MYBPH: variants seen among roughly 807,000 people sequenced by gnomAD.
MYBPH encodes myosin-binding protein H.
In MYBPH, 49 loss-of-function variants were observed where a neutral mutation model predicts 53.6. The ratio of observed to expected loss-of-function variants is 0.91; its 90% confidence interval spans 0.73 to 1.16. The LOEUF (loss-of-function observed/expected upper bound fraction) is 1.16. Ranked by LOEUF, MYBPH falls within the 50% of genes most tolerant of loss-of-function variation. MYBPH has a pLI of 0.00. For missense variants in MYBPH, 558 were observed against 624.1 expected (o/e 0.89, Z 1.13); for synonymous variants, 239 against 249.6 (o/e 0.96, Z 0.40).
intron 3 of MYBPH, 107 bp downstream of exon 3, chr1:203,174,323 G>C (rs772837097): frequency 9.4e-6 from 14 of 1,482,140 alleles, no homozygotes; most frequent in Non-Finnish European, 1.3e-5. Context: ...GTGAGCGTGG[G>C]ACGGGGGAAA....
At chr1:203,178,413 C>T (rs915951059), upstream of MYBPH, among the ~76,000 whole-genome samples, 11 of 152,198 alleles carry the variant, frequency 7.2e-5, no homozygotes, top group African/African-American at 2.7e-4. Context: ...GGCTGCCCCT[C>T]ACTGGGAGGC....
At chr1:203,168,808 C>T in intron 9 of MYBPH, 98 bp downstream of exon 9, 1 of 1,581,270 alleles carries the variant, frequency 6.3e-7, no homozygotes, top group Admixed American at 1.7e-5. Context: ...CCCAGTCTTA[C>T]CACCCCTTCT....
At chr1:203,173,579 C>A (rs748402678) in intron 3 of MYBPH, among the ~76,000 whole-genome samples, 4 of 152,206 alleles carry the variant, frequency 2.6e-5, no homozygotes, top group African/African-American at 9.6e-5. Context: ...GGCCTCAGAG[C>A]TGAGCATTTC....
At chr1:203,172,932 C>T (rs1655727820) in intron 3 of MYBPH, among the ~76,000 whole-genome samples, 1 of 152,188 alleles carries the variant, frequency 6.6e-6, no homozygotes, top group African/African-American at 2.4e-5. Context: ...GGGCACTTGG[C>T]TCTGGGAGCT....
rs112574717 is a variant in MYBPH, at chr1:203,172,103, A to G, written c.509-63T>C. The G allele has an allele frequency of 1.3e-4, 138 of 1,053,420 alleles. 2 individuals carry two copies. The African/African-American group carries it at 1.7e-3, about 13-fold the overall frequency. The allele number at this position is 1,053,420 out of a possible 1,614,324, so 65.3% of individuals were successfully genotyped here. On this transcript the variant is annotated intron_variant, in intron 3 of 10. Transcript: ENST00000255416. ...GGGGTGGCTGATTGGGGTTTCTGAGATGGGGCAGGGGACAGCTGGTGAGGG... is the reference window on the plus strand; with the variant it reads ...GGGGTGGCTGATTGGGGTTTCTGAGGTGGGGCAGGGGACAGCTGGTGAGGG...
chr1:203,172,104 T>C, intron 3 of MYBPH, 64 bp from the exon 4 acceptor site: 2 of 1,039,328 alleles, frequency 1.9e-6, no homozygotes, highest in South Asian at 9.6e-5. Flanking sequence ...GTTTCTGAGA[T>C]GGGGCAGGGG....
intron 3 of MYBPH, 102 bp downstream of exon 3, chr1:203,174,328 G>A: frequency 1.3e-6 from 2 of 1,485,158 alleles, no homozygotes; most frequent in South Asian, 2.8e-5. Flanking sequence ...CGTGGGACGG[G>A]GGAAATGACT....
intron 3 of MYBPH, among the ~76,000 whole-genome samples, chr1:203,173,531 A>T (rs1036314910): frequency 3.9e-5 from 6 of 152,174 alleles, no homozygotes; most frequent in African/African-American, 4.8e-5. Flanking sequence ...TAATCTATGA[A>T]TCTAAGCTCC....
rs142531472 is a variant in MYBPH, at chr1:203,168,667, C to A, written c.1426G>T (p.Ala476Ser). Residue 476 changes from alanine to serine, a missense_variant, in exon 10 of 11, where the codon GCA becomes TCA. By Grantham distance (99) the Ala-to-Ser change is moderately conservative. Transcript: ENST00000255416. ...AGCCTCCTCCCGTGACTTCAGTGTG[C>A]GGCTGAGGCTGGAAGAGATGCTGCA... is the stretch of plus-strand genomic sequence containing the variant. ...DCRLEVKASA[A>S]H is the part of the protein sequence containing the mutation. 1 of 1,559,350 alleles carries A rather than the reference C, an allele frequency of 6.4e-7. No homozygotes were observed. Among genetic ancestry groups the A allele is most frequent in the Non-Finnish European group, 8.7e-7 (1 of 1,151,080 alleles).
chr1:203,178,176 C>T (rs187934021), upstream of MYBPH, among the ~76,000 whole-genome samples: 426 of 152,304 alleles, frequency 2.8e-3, 3 homozygotes, highest in African/African-American at 9.3e-3. Context: ...CTGATGAGAG[C>T]GTCTCCACCT....
intron 3 of MYBPH, among the ~76,000 whole-genome samples, chr1:203,172,408 G>T (rs938369179): frequency 6.6e-6 from 1 of 152,118 alleles, no homozygotes; most frequent in Admixed American, 6.5e-5. Flanking sequence ...TGGGGAGCAG[G>T]TGCTGCACCT....
At chr1:203,172,438 A>G (rs1454841812) in intron 3 of MYBPH, among the ~76,000 whole-genome samples, 1 of 152,054 alleles carries the variant, frequency 6.6e-6, no homozygotes, top group African/African-American at 2.4e-5. Context: ...CACTTCTAGG[A>G]AGGGGAGGCC....
At position 203,169,340 on chromosome 1, in the gene MYBPH, G is replaced by A. The variant is rs759833030; in HGVS notation, c.1143C>T (p.Ala381=). The change falls in exon 8 of 11, where the codon GCC becomes GCT. Residue 381 remains alanine (A), a synonymous_variant. Transcript: ENST00000255416. ...KGFIERDFSE[A]PSFTQPLADH... ...CAGCCAGGGGCTGGGTGAATGAGGG[G>A]GCTTCTGAGAAGTCTCGCTCAATAA... The A allele has an allele frequency of 6.2e-7, 1 of 1,609,684 alleles. No homozygotes were observed. The highest frequency in any genetic ancestry group is 1.1e-5 in the South Asian group (1 of 90,536).
intron 3 of MYBPH, 151 bp downstream of exon 3, chr1:203,174,279 A>C: frequency 1.5e-6 from 2 of 1,359,498 alleles, no homozygotes; most frequent in Non-Finnish European, 1.9e-6. Flanking sequence ...GAACTTTCTT[A>C]AGGCAAGATG....
chr1:203,171,694 C>T lies in MYBPH; in HGVS notation c.598-116G>A. On this transcript the variant is annotated intron_variant, in intron 4 of 10. Transcript: ENST00000255416. The surrounding 1 kb of genome is among the most constrained non-coding windows in gnomAD (Gnocchi z 4.2). ...GGAAGCCTGTCCCACTGGCCCTTCT[C>T]AGGAGGGGCAGCAGAGGCTGGAGCC... 9.0e-7 allele frequency: 1 copy of T among 1,111,968 alleles called. No individual in the cohort carries two copies. The highest frequency in any genetic ancestry group is 1.2e-6 in the Non-Finnish European group (1 of 804,576). 68.9% of individuals were successfully genotyped at this position (1,111,968 alleles called of 1,614,324 possible).
intron 2 of MYBPH, among the ~76,000 whole-genome samples, chr1:203,175,074 C>T (rs943012744): frequency 6.6e-6 from 1 of 151,910 alleles, no homozygotes; most frequent in Admixed American, 6.5e-5. Context: ...CCAGTGTCCC[C>T]TTACCCTTCC....
rs917125538 is a variant in MYBPH at position 203,171,702 on chromosome 1, G to C, written c.598-124C>G. 2.8e-6 allele frequency: 3 copies of C among 1,069,906 alleles called. No homozygotes were observed. Among genetic ancestry groups the C allele is most frequent in the Non-Finnish European group, 3.9e-6 (3 of 766,900 alleles). The allele number at this position is 1,069,906 out of a possible 1,614,324, so 66.3% of individuals were successfully genotyped here. A position where few individuals can be genotyped will look rare whatever the true frequency, so the allele number is the denominator to read the frequency against. ...GTCCCACTGGCCCTTCTCAGGAGGG[G>C]CAGCAGAGGCTGGAGCCACAGGTGC... On this transcript the variant is annotated intron_variant, in intron 4 of 10. Transcript: ENST00000255416. The surrounding 1 kb of genome is among the most constrained non-coding windows in gnomAD (Gnocchi z 4.2).
In MYBPH at chr1:203,171,635, C is replaced by T; in HGVS notation, c.598-57G>A. ...GGGAGGTGCCAGAGTCCCCACACCT[C>T]CTTAACTCCAGGAGTCTCTGGAGCT... On this transcript the variant is annotated intron_variant, in intron 4 of 10. Coordinates refer to ENST00000255416, the MANE Select transcript of MYBPH (RefSeq NM_004997.3). This position sits in a 1 kb window ranked among gnomAD's most constrained non-coding sequence, Gnocchi z 4.2. 1 of 1,498,228 alleles carries T rather than the reference C, an allele frequency of 6.7e-7. No individual in the cohort carries two copies. The allele number at this position is 1,498,228 out of a possible 1,614,324, so 92.8% of individuals were successfully genotyped here. A position where few individuals can be genotyped will look rare whatever the true frequency, so the allele number is the denominator to read the frequency against.
At position 203,168,653 on chromosome 1, in the gene MYBPH, G is replaced by A. The variant is rs771118475; in HGVS notation, c.*6C>T. 33 of 1,452,888 alleles carry A rather than the reference G, an allele frequency of 2.3e-5. No individual in the cohort carries two copies. Among genetic ancestry groups the A allele is most frequent in the Admixed American group, 1.2e-4 (5 of 42,496 alleles). 90.0% of individuals were successfully genotyped at this position (1,452,888 alleles called of 1,614,324 possible). Reference sequence around the variant, plus strand: ...TGGCTCCTCATCACAGCCTCCTCCCGTGACTTCAGTGTGCGGCTGAGGCTG... The same window carrying A: ...TGGCTCCTCATCACAGCCTCCTCCCATGACTTCAGTGTGCGGCTGAGGCTG... On this transcript the variant is annotated 3_prime_UTR_variant, in exon 10 of 11. Transcript: ENST00000255416.
Sources: allele counts gnomAD v4.1 joint callset (sites outside exome capture counted in the v4.1 genomes callset), GRCh38; gene constraint gnomAD v4.1.1; non-coding constraint Gnocchi (gnomAD v3.1); transcripts MANE v1.5; gene names NCBI Gene and HGNC (gene_info 2026-07-23, HGNC 2026-07-21).